The following NR2F1-AS1 variants were observed in gnomAD, a reference collection of about 807,000 sequenced individuals.
The protein encoded by NR2F1-AS1 is NR2F1 antisense RNA 1.
chr5:93,451,495 T>C (rs1434373264), intron 4 of NR2F1-AS1, among the ~76,000 whole-genome samples: 1 of 152,076 alleles, frequency 6.6e-6, no homozygotes, highest in African/African-American at 2.4e-5. Flanking sequence ...CTCAACCTCC[T>C]GGGCTCAAGT....
intron 4 of NR2F1-AS1, among the ~76,000 whole-genome samples, chr5:93,549,821 G>C (rs1237394482): frequency 6.6e-6 from 1 of 152,082 alleles, no homozygotes; most frequent in Non-Finnish European, 1.5e-5. Flanking sequence ...GCAGGGACAT[G>C]GATGAAGCTG....
chr5:93,520,827 C>CA lies in NR2F1-AS1; in HGVS notation n.638+32933dup, dbSNP rs538537645. Among the ~76,000 whole-genome samples, 81 of 152,236 alleles carry CA rather than the reference C, an allele frequency of 5.3e-4. No homozygotes were observed. In the East Asian group the frequency reaches 6.0e-3, roughly 11 times the overall value. On this transcript the variant is annotated intron_variant and non_coding_transcript_variant, in intron 4 of 5. Coordinates refer to ENST00000660523, the Ensembl canonical transcript of NR2F1-AS1. ...CTTCTACATATTGCAAGCCTCCCCC[C>CA]AAAGAAAGCTGTGATTTTTCTATTT... is the stretch of plus-strand genomic sequence containing the variant.
chr5:93,493,985 A>G (rs1462344881), intron 4 of NR2F1-AS1, among the ~76,000 whole-genome samples: 1 of 152,168 alleles, frequency 6.6e-6, no homozygotes, highest in Non-Finnish European at 1.5e-5. Context: ...AAAAGTAAAA[A>G]CAGATATGTT....
At chr5:93,484,266 T>C (rs1750668154) in intron 4 of NR2F1-AS1, among the ~76,000 whole-genome samples, 1 of 152,126 alleles carries the variant, frequency 6.6e-6, no homozygotes, top group South Asian at 2.1e-4. Flanking sequence ...GCAGAAACCC[T>C]ACAAGCCAGA....
chr5:93,497,955 G>A (rs572988756), intron 4 of NR2F1-AS1, among the ~76,000 whole-genome samples: 20 of 152,174 alleles, frequency 1.3e-4, no homozygotes, highest in Admixed American at 7.2e-4. Context: ...CACATATACC[G>A]TTTTGGCACT....
chr5:93,537,724 TAA>T (rs1257204030), intron 4 of NR2F1-AS1, among the ~76,000 whole-genome samples: 1 of 152,174 alleles, frequency 6.6e-6, no homozygotes, highest in Admixed American at 6.5e-5. Context: ...GTAGTCATTA[TAA>T]AAAAGAGTAT....
intron 4 of NR2F1-AS1, among the ~76,000 whole-genome samples, chr5:93,475,700 T>G (rs539956275): frequency 6.6e-6 from 1 of 152,232 alleles, no homozygotes; most frequent in Non-Finnish European, 1.5e-5. Flanking sequence ...AAAACTCATA[T>G]GATGAAAGAA....
intron 1 of NR2F1-AS1, chr5:93,570,775 G>C (rs1471255738): frequency 6.6e-6 from 1 of 152,252 alleles, no homozygotes; most frequent in Non-Finnish European, 1.5e-5. Flanking sequence ...TCCGCCGCGC[G>C]GGGGACCGCA....
At chr5:93,513,401 A>G (rs1279870892) in intron 4 of NR2F1-AS1, among the ~76,000 whole-genome samples, 1 of 152,166 alleles carries the variant, frequency 6.6e-6, no homozygotes, top group African/African-American at 2.4e-5. Context: ...TATCAAAGAC[A>G]TGGAATCAAC....
chr5:93,472,766 T>A (rs1750396252), intron 4 of NR2F1-AS1, among the ~76,000 whole-genome samples: 1 of 151,948 alleles, frequency 6.6e-6, no homozygotes, highest in South Asian at 2.1e-4. Flanking sequence ...TAAGAATGTT[T>A]CCATTTTAAC....
Position 93,430,861 on chromosome 5 carries a change from TATCATCATCATC to T in NR2F1-AS1, n.639-35331_639-35320del, listed in dbSNP as rs138817898. ...TGTGTTGTCACTGTCTCCCTTGCTT[TATCATCATCATC>T]ATCATCATCATCATCATCATGGTGA... On this transcript the variant is annotated intron_variant and non_coding_transcript_variant, in intron 4 of 5. Coordinates refer to ENST00000660523, the Ensembl canonical transcript of NR2F1-AS1. Among the ~76,000 whole-genome samples, 1,051 of 149,640 alleles carry T rather than the reference TATCATCATCATC, an allele frequency of 7.0e-3. 8 individuals carry two copies. The highest frequency in any genetic ancestry group is 9.8e-3 in the Non-Finnish European group (660 of 67,612).
At position 93,556,066 on chromosome 5, in the gene NR2F1-AS1, C is replaced by T. The variant is rs150289547; in HGVS notation, n.414-1071G>A. On this transcript the variant is annotated intron_variant and non_coding_transcript_variant, in intron 2 of 5. Transcript: ENST00000660523. Reference sequence around the variant, plus strand: ...CCCAAAGCCTTCTTCACCACCACAGCTCACTATCCCTAAAGTATTTATTCC... The same window carrying T: ...CCCAAAGCCTTCTTCACCACCACAGTTCACTATCCCTAAAGTATTTATTCC... Among the ~76,000 whole-genome samples the T allele has an allele frequency of 2.4e-3, 359 of 152,300 alleles. 3 individuals are homozygous for T. The highest frequency in any genetic ancestry group is 8.3e-3 in the African/African-American group (344 of 41,578).
intron 4 of NR2F1-AS1, among the ~76,000 whole-genome samples, chr5:93,490,410 C>T (rs1452696412): frequency 4.6e-5 from 7 of 151,834 alleles, no homozygotes; most frequent in Admixed American, 6.6e-5. Context: ...GTGGTAATGA[C>T]GGTGGTGGTG....
At chr5:93,424,896 G>C (rs1749163312) in intron 4 of NR2F1-AS1, among the ~76,000 whole-genome samples, 1 of 152,138 alleles carries the variant, frequency 6.6e-6, no homozygotes, top group Non-Finnish European at 1.5e-5. Context: ...AGCAGTACAT[G>C]AATCAATGAT....
rs1483413760 is a variant in NR2F1-AS1, at chr5:93,497,782, AG to A, written n.638+55978del. ...GGCAAATGCCATAGCCTGAAATATC[AG>A]AAGTCAAAGTTAAGATTCTCATTAG... On this transcript the variant is annotated intron_variant and non_coding_transcript_variant, in intron 4 of 5. Coordinates refer to ENST00000660523, the Ensembl canonical transcript of NR2F1-AS1. 2.0e-5 allele frequency among the ~76,000 whole-genome samples: 3 copies of A among 152,234 alleles called. No homozygotes were observed. The East Asian group carries it at 5.8e-4, about 29-fold the overall frequency.
intron 4 of NR2F1-AS1, among the ~76,000 whole-genome samples, chr5:93,445,397 C>T (rs1188836680): frequency 2.0e-5 from 3 of 152,008 alleles, no homozygotes; most frequent in African/African-American, 7.2e-5. Flanking sequence ...TACAAACTAC[C>T]ATCAGAGAAT....
At chr5:93,478,561 G>A (rs189736323) in intron 4 of NR2F1-AS1, among the ~76,000 whole-genome samples, 7 of 152,064 alleles carry the variant, frequency 4.6e-5, no homozygotes, top group African/African-American at 1.2e-4. Flanking sequence ...GTGCCACCAC[G>A]CCTGGCTAAT....
intron 4 of NR2F1-AS1, among the ~76,000 whole-genome samples, chr5:93,497,453 A>C (rs1264297336): frequency 6.6e-6 from 1 of 152,310 alleles, no homozygotes; most frequent in East Asian, 1.9e-4. Flanking sequence ...GAGAAAAGAC[A>C]TGCTCCGGTT....
intron 4 of NR2F1-AS1, chr5:93,422,146 G>C (rs985563279): frequency 6.6e-6 from 1 of 152,234 alleles, no homozygotes; most frequent in East Asian, 1.9e-4. Context: ...CCAGCCAGCT[G>C]TTTGCCAAAT....
Sources: gnomAD v4.1 joint callset for allele counts (sites outside exome capture counted in the v4.1 genomes callset) on GRCh38, gnomAD v4.1.1 for gene constraint, MANE v1.5 for transcripts, NCBI Gene and HGNC (gene_info 2026-07-23, HGNC 2026-07-21) for gene names.